The following SH2D4B variants were observed in gnomAD, a reference collection of about 807,000 sequenced individuals.
SH2D4B encodes the protein SH2 domain containing 4B, also known as SH2 domain-containing protein 4B.
In SH2D4B, 45 loss-of-function variants were observed where a neutral mutation model predicts 61.5. The observed-to-expected ratio is 0.73, with a 90% CI of 0.58 to 0.94. The LOEUF (loss-of-function observed/expected upper bound fraction) is 0.94, where lower values mean the gene tolerates loss of function less well. Among genes scored for constraint, SH2D4B ranks in the 40% least tolerant of loss-of-function variants. The probability of loss-of-function intolerance (pLI) is 0.00; values close to 1 mark genes in which losing one functional copy is unlikely to be tolerated. For missense variants in SH2D4B, 572 were observed against 574.2 expected, an observed-to-expected ratio of 1.00 and a Z score of 0.04; for synonymous variants, 224 against 220.4, an observed-to-expected ratio of 1.02 and a Z score of -0.14.
rs1381371896 is a variant in SH2D4B, at chr10:80,623,633, T to G, written c.989-10652T>G. 2.6e-5 allele frequency among the ~76,000 whole-genome samples: 4 copies of G among 152,216 alleles called. No homozygotes were observed. The East Asian group carries it at 7.7e-4, about 29-fold the overall frequency. On this transcript the variant is annotated intron_variant, in intron 6 of 7. Transcript: ENST00000646907. ...CACTGCCTGTTCTTATTTGGAGATT[T>G]GGAGAGATTTTAAAATGATGTTGCT...
intron 1 of SH2D4B, among the ~76,000 whole-genome samples, chr10:80,551,336 G>A (rs1841759480): frequency 6.6e-6 from 1 of 152,154 alleles, no homozygotes; most frequent in Admixed American, 6.5e-5. Context: ...TTACAGATGT[G>A]AGCCACCGCG....
chr10:80,611,078 G>A (rs1842592197), intron 6 of SH2D4B, among the ~76,000 whole-genome samples: 2 of 150,618 alleles, frequency 1.3e-5, no homozygotes, highest in African/African-American at 2.5e-5. Flanking sequence ...AGGAGGCTGA[G>A]GCAGGAGAAT....
At chr10:80,542,524 A>G (rs777227615) in intron 1 of SH2D4B, among the ~76,000 whole-genome samples, 18 of 151,096 alleles carry the variant, frequency 1.2e-4, no homozygotes, top group Admixed American at 2.6e-4. Context: ...CAGCCTCCCA[A>G]GTAGCTGGGA....
rs779056939 is a variant in SH2D4B, at chr10:80,643,975, C to CT, written c.1210-10dup. The CT allele has an allele frequency of 2.2e-5, 35 of 1,601,984 alleles. No homozygotes were observed. Among genetic ancestry groups the CT allele is most frequent in the Non-Finnish European group, 2.8e-5 (33 of 1,170,476 alleles). On this transcript the variant is annotated splice_polypyrimidine_tract_variant and intron_variant, in intron 7 of 7. Coordinates refer to ENST00000646907, the MANE Select transcript of SH2D4B (RefSeq NM_001388272.1). ...CTGTCTTGATTATAAGTGGATTTTC[C>CT]TTTTTTTTCTGTTTTAGGAGGAAAT...
intron 6 of SH2D4B, among the ~76,000 whole-genome samples, chr10:80,620,813 T>C (rs1459287290): frequency 6.6e-6 from 1 of 152,216 alleles, no homozygotes; most frequent in Non-Finnish European, 1.5e-5. Flanking sequence ...GTTAACATAA[T>C]GCCAGGATTC....
chr10:80,640,864 AG>A (rs1840279555), intron 7 of SH2D4B, among the ~76,000 whole-genome samples: 1 of 152,180 alleles, frequency 6.6e-6, no homozygotes. Context: ...TTAGAGGAGA[AG>A]AGGCGCTCTG....
At chr10:80,562,894 CTTTTTTT>C (rs34539206) in intron 1 of SH2D4B, among the ~76,000 whole-genome samples, 30 of 74,700 alleles carry the variant, frequency 4.0e-4, no homozygotes, top group Middle Eastern at 0.017. Flanking sequence ...AACATTTTTT[CTTTTTTT>C]TTTTTTTTTT....
chr10:80,607,706 G>A (rs1300461794), intron 5 of SH2D4B, among the ~76,000 whole-genome samples: 3 of 152,192 alleles, frequency 2.0e-5, no homozygotes, highest in African/African-American at 7.2e-5. Context: ...GGCAAATATG[G>A]AGACCACATG....
intron 3 of SH2D4B, among the ~76,000 whole-genome samples, chr10:80,572,961 TATATATATATATATATATA>T (rs1842069948): frequency 2.9e-4 from 2 of 6,882 alleles, no homozygotes; most frequent in Non-Finnish European, 6.0e-4. Context: ...TATATATATA[TATATATATATATATATATA>T]TATATATTTT....
At chr10:80,613,290 A>C (rs1420756644) in intron 6 of SH2D4B, among the ~76,000 whole-genome samples, 1 of 152,250 alleles carries the variant, frequency 6.6e-6, no homozygotes, top group African/African-American at 2.4e-5. Flanking sequence ...GAGAAATGCT[A>C]GTACATATAA....
At chr10:80,570,404 G>C in intron 2 of SH2D4B, 88 bp downstream of exon 2, 3 of 1,471,696 alleles carry the variant, frequency 2.0e-6, no homozygotes, top group Non-Finnish European at 2.7e-6. Context: ...ATTTTTAGTA[G>C]AGATGGAGTT....
At position 80,538,897 on chromosome 10, in the gene SH2D4B, A is replaced by T. The variant is rs1319822329; in HGVS notation, c.184+382A>T. Among the ~76,000 whole-genome samples, 1 of 152,128 alleles carries T rather than the reference A, an allele frequency of 6.6e-6. No individual in the cohort carries two copies. Among genetic ancestry groups the T allele is most frequent in the Non-Finnish European group, 1.5e-5 (1 of 68,024 alleles). On this transcript the variant is annotated intron_variant, in intron 1 of 7. Transcript: ENST00000646907. This position sits in a 1 kb window ranked among gnomAD's most constrained non-coding sequence, Gnocchi z 4.8. ...ACCCTTGCCATTGGTTCTGGGCCAGAGTGTGGTGTAGATATGCAGTTCCTT... is the reference window on the plus strand; with the variant it reads ...ACCCTTGCCATTGGTTCTGGGCCAGTGTGTGGTGTAGATATGCAGTTCCTT...
chr10:80,644,270 G>C lies in SH2D4B; in HGVS notation c.*185G>C. On this transcript the variant is annotated 3_prime_UTR_variant, in exon 8 of 8. Coordinates refer to ENST00000646907, the MANE Select transcript of SH2D4B (RefSeq NM_001388272.1). ...GCTACTGGTCTCATCCCAGCGATCG[G>C]GACAGAAATTGCTAATAGCTCATGC... The C allele has an allele frequency of 1.8e-6, 1 of 558,812 alleles. No individual in the cohort carries two copies. Among genetic ancestry groups the C allele is most frequent in the South Asian group, 2.5e-5 (1 of 40,278 alleles). The allele number at this position is 558,812 out of a possible 1,614,324, so 34.6% of individuals were successfully genotyped here. A position where few individuals can be genotyped will look rare whatever the true frequency, so the allele number is the denominator to read the frequency against.
Position 80,564,572 on chromosome 10 carries a change from C to T in SH2D4B, c.185-5582C>T, listed in dbSNP as rs116695399. Among the ~76,000 whole-genome samples the T allele has an allele frequency of 4.1e-3, 620 of 152,294 alleles. 2 individuals carry two copies. Among genetic ancestry groups the T allele is most frequent in the African/African-American group, 0.014 (589 of 41,560 alleles). ...TGGGACAATGTCCTTGGGCATCTTC[C>T]GTTTTCTACCAATTCTCACTCTCTA... On this transcript the variant is annotated intron_variant, in intron 1 of 7. Transcript: ENST00000646907.
intron 4 of SH2D4B, among the ~76,000 whole-genome samples, chr10:80,594,451 CTTTGATGTT>C (rs1842364197): frequency 6.6e-6 from 1 of 152,130 alleles, no homozygotes; most frequent in Non-Finnish European, 1.5e-5. Flanking sequence ...GTTTTATTTT[CTTTGATGTT>C]TTTGTCTGGT....
intron 1 of SH2D4B, among the ~76,000 whole-genome samples, chr10:80,546,832 A>G (rs1157914721): frequency 6.6e-6 from 1 of 152,194 alleles, no homozygotes; most frequent in African/African-American, 2.4e-5. Context: ...CAGCCAGCAT[A>G]CGGTATTTTA....
chr10:80,633,193 T>C (rs1342500386), intron 6 of SH2D4B, among the ~76,000 whole-genome samples: 2 of 151,718 alleles, frequency 1.3e-5, no homozygotes, highest in African/African-American at 4.8e-5. Context: ...GTCATGGAGA[T>C]GGGCAGCCCA....
chr10:80,644,139 T>G lies in SH2D4B; in HGVS notation c.*54T>G. On this transcript the variant is annotated 3_prime_UTR_variant, in exon 8 of 8. Transcript: ENST00000646907. ...TGGTATCCTGTTTTTGAACTCAGCTTAAGAACTTCTCATCTCAAATCCTAT... is the reference window on the plus strand; with the variant it reads ...TGGTATCCTGTTTTTGAACTCAGCTGAAGAACTTCTCATCTCAAATCCTAT... 1 of 1,411,220 alleles carries G rather than the reference T, an allele frequency of 7.1e-7. No individual in the cohort carries two copies. Among genetic ancestry groups the G allele is most frequent in the Non-Finnish European group, 1.0e-6 (1 of 1,001,236 alleles). 87.4% of individuals were successfully genotyped at this position (1,411,220 alleles called of 1,614,324 possible). A position where few individuals can be genotyped will look rare whatever the true frequency, so the allele number is the denominator to read the frequency against.
chr10:80,634,551 A>G, intron 7 of SH2D4B, 46 bp downstream of exon 7: 1 of 1,542,332 alleles, frequency 6.5e-7, no homozygotes, highest in African/African-American at 1.4e-5. Flanking sequence ...GAACTGGTGG[A>G]AATTGGAGCT....
Sources: allele counts gnomAD v4.1 joint callset (sites outside exome capture counted in the v4.1 genomes callset), GRCh38; gene constraint gnomAD v4.1.1; non-coding constraint Gnocchi (gnomAD v3.1); transcripts MANE v1.5; gene names NCBI Gene and HGNC (gene_info 2026-07-23, HGNC 2026-07-21).